Variants in ZNF649 observed in about 807,000 individuals in gnomAD.
ZNF649 encodes the protein zinc finger protein 649.
In ZNF649, 7 loss-of-function variants were observed where a neutral mutation model predicts 14.1. The observed-to-expected ratio is 0.49, with a 90% CI of 0.28 to 0.93. ZNF649 has a LOEUF of 0.93. Among genes scored for constraint, ZNF649 ranks in the 40% least tolerant of loss-of-function variants. ZNF649 has a pLI of 0.10. For missense variants in ZNF649, 544 were observed against 608.1 expected, an observed-to-expected ratio of 0.89 and a Z score of 1.11; for synonymous variants, 227 against 212.3, an observed-to-expected ratio of 1.07 and a Z score of -0.60.
Position 51,891,933 on chromosome 19 carries a change from C to T in ZNF649, c.239-36G>A. 6.6e-7 allele frequency: 1 copy of T among 1,524,144 alleles called. No homozygotes were observed. The highest frequency in any genetic ancestry group is 8.8e-7 in the Non-Finnish European group (1 of 1,142,800). 94.4% of individuals were successfully genotyped at this position (1,524,144 alleles called of 1,614,324 possible). On this transcript the variant is annotated intron_variant, in intron 4 of 4. Coordinates refer to ENST00000354957, the MANE Select transcript of ZNF649 (RefSeq NM_023074.4). The surrounding 1 kb of genome is among the most constrained non-coding windows in gnomAD (Gnocchi z 4.2). ...GAACAATAAATCCTTCCATGATCAT[C>T]ACACGGAATAAAACTGCTTCAAAGA...
Position 51,891,588 on chromosome 19 carries a change from C to A in ZNF649, c.548G>T (p.Cys183Phe). ...AGACTTCTTGAGGAAAGCTTTCCCA[C>A]AGTCAGTGCATTCATGGGCTTTCTC... ...NIEKAHECTD[C>F]GKAFLKKSQL... The change falls in exon 5 of 5, where the codon TGT becomes TTT. Residue 183 changes from cysteine (C) to phenylalanine (F), a missense_variant. Coordinates refer to ENST00000354957, the MANE Select transcript of ZNF649 (RefSeq NM_023074.4). This position sits in a 1 kb window ranked among gnomAD's most constrained non-coding sequence, Gnocchi z 4.2. 6.2e-7 allele frequency: 1 copy of A among 1,614,246 alleles called. No homozygotes were observed. The highest frequency in any genetic ancestry group is 1.1e-5 in the South Asian group (1 of 91,086).
At chr19:51,899,880 G>A (rs187341039) in intron 2 of ZNF649, 27 of 401,162 alleles carry the variant, frequency 6.7e-5, no homozygotes, top group South Asian at 4.0e-4. Flanking sequence ...TGGCAGAGTC[G>A]CACATTATAT....
rs1410874743 is a variant in ZNF649 at position 51,890,385 on chromosome 19, A to G, written c.*233T>C. ...AGAGATATCATTCTGAGGAACACCA[A>G]GTGGAAGCCTCTAAAACTGCCCCCC... On this transcript the variant is annotated 3_prime_UTR_variant, in exon 5 of 5. Transcript: ENST00000354957. The G allele has an allele frequency of 2.2e-6, 1 of 464,768 alleles. No homozygotes were observed. The highest frequency in any genetic ancestry group is 3.9e-5 in the Admixed American group (1 of 25,594). 28.8% of individuals were successfully genotyped at this position (464,768 alleles called of 1,614,324 possible). A position where few individuals can be genotyped will look rare whatever the true frequency, so the allele number is the denominator to read the frequency against.
intron 1 of ZNF649, among the ~76,000 whole-genome samples, chr19:51,903,117 T>G (rs977407174): frequency 6.6e-6 from 1 of 152,056 alleles, no homozygotes; most frequent in African/African-American, 2.4e-5. Context: ...GCAAGGGGCG[T>G]GGGACTTCCA....
At chr19:51,898,803 CTCAGGAGGCTGAG>C (rs2085079066) in intron 2 of ZNF649, among the ~76,000 whole-genome samples, 1 of 151,814 alleles carries the variant, frequency 6.6e-6, no homozygotes, top group Non-Finnish European at 1.5e-5. Context: ...GTTCCAGCTA[CTCAGGAGGCTGAG>C]GCAGGAGAAT....
chr19:51,896,522 C>T lies in ZNF649; in HGVS notation c.188G>A (p.Gly63Glu). Residue 63 changes from glycine to glutamate, a missense_variant, in exon 4 of 5, where the codon GGA becomes GAA. Coordinates refer to ENST00000354957, the MANE Select transcript of ZNF649 (RefSeq NM_023074.4). ...KPDALTKLEQGEPLWTLEDEI... is the reference protein window; with the variant it reads ...KPDALTKLEQEEPLWTLEDEI... ...ATCTTCTAGTGTCCATAGTGGTTCT[C>T]CTTGTTCCAACTTGGTGAGGGCATC... 6.2e-7 allele frequency: 1 copy of T among 1,614,132 alleles called. No individual in the cohort carries two copies. Among genetic ancestry groups the T allele is most frequent in the Non-Finnish European group, 8.5e-7 (1 of 1,180,034 alleles).
intron 1 of ZNF649, chr19:51,904,133 C>G (rs904074565): frequency 5.9e-5 from 9 of 152,204 alleles, no homozygotes; most frequent in Non-Finnish European, 1.2e-4. Flanking sequence ...GTCACTTTAC[C>G]TTTTTTGTCT....
At chr19:51,901,905 G>A (rs137885700) in intron 1 of ZNF649, among the ~76,000 whole-genome samples, 169 of 148,132 alleles carry the variant, frequency 1.1e-3, no homozygotes, top group African/African-American at 4.2e-3. Flanking sequence ...GAGTTAGGAT[G>A]GTGCCACTGC....
At chr19:51,894,814 C>T (rs1279660747) in intron 4 of ZNF649, among the ~76,000 whole-genome samples, 1 of 152,000 alleles carries the variant, frequency 6.6e-6, no homozygotes, top group African/African-American at 2.4e-5. Flanking sequence ...GGCTACAGTT[C>T]ATCAACTCAT....
chr19:51,897,138 G>T, intron 2 of ZNF649, 160 bp from the exon 3 acceptor site: 1 of 955,732 alleles, frequency 1.0e-6, no homozygotes, highest in Non-Finnish European at 1.6e-6. Context: ...TACCGAAATT[G>T]TGCATACTCA....
intron 2 of ZNF649, 168 bp downstream of exon 2, chr19:51,899,925 A>G: frequency 2.1e-6 from 1 of 486,002 alleles, no homozygotes. Flanking sequence ...ATGTGAACAA[A>G]GTATTTGTGA....
At chr19:51,896,258 A>G in intron 4 of ZNF649, 1 of 394,446 alleles carries the variant, frequency 2.5e-6, no homozygotes, top group Non-Finnish European at 4.6e-6. Context: ...ACATCTAAGA[A>G]GAAATGAATA....
chr19:51,893,907 T>C (rs2867319), intron 4 of ZNF649, among the ~76,000 whole-genome samples: 30,186 of 152,100 alleles, frequency 0.2, 3,509 homozygotes, highest in South Asian at 0.38. Context: ...ATGATTGCTA[T>C]AGTACTGCCA....
At chr19:51,898,115 A>AAAC (rs59499538) in intron 2 of ZNF649, among the ~76,000 whole-genome samples, 1 of 151,354 alleles carries the variant, frequency 6.6e-6, no homozygotes, top group Non-Finnish European at 1.5e-5. Flanking sequence ...AAAAAAAAAA[A>AAAC]CTATGAATCT....
intron 4 of ZNF649, 82 bp downstream of exon 4, chr19:51,896,390 T>C (rs2122765189): frequency 7.8e-7 from 1 of 1,276,500 alleles, no homozygotes; most frequent in East Asian, 2.3e-5. Context: ...CCCTAGACAC[T>C]TTCACAACTG....
intron 2 of ZNF649, among the ~76,000 whole-genome samples, chr19:51,897,871 C>A (rs2085072621): frequency 6.6e-6 from 1 of 152,092 alleles, no homozygotes; most frequent in Admixed American, 6.5e-5. Context: ...CCTGTAAACC[C>A]AGCACTTTGG....
In ZNF649 at chr19:51,890,507, C is replaced by CTTTTTT; in HGVS notation, c.*110_*111insAAAAAA. On this transcript the variant is annotated 3_prime_UTR_variant, in exon 5 of 5. Coordinates refer to ENST00000354957, the MANE Select transcript of ZNF649 (RefSeq NM_023074.4). ...AGATATAAAAAAGTAAAATATATTT[C>CTTTTTT]ATATCTTGTAAACCCTACTATACAT... 1 of 667,972 alleles carries CTTTTTT rather than the reference C, an allele frequency of 1.5e-6. No individual in the cohort carries two copies. Among genetic ancestry groups the CTTTTTT allele is most frequent in the Non-Finnish European group, 2.5e-6 (1 of 397,734 alleles). 41.4% of individuals were successfully genotyped at this position (667,972 alleles called of 1,614,324 possible). A position where few individuals can be genotyped will look rare whatever the true frequency, so the allele number is the denominator to read the frequency against.
At chr19:51,904,611 A>G (rs1455879661) in intron 1 of ZNF649, among the ~76,000 whole-genome samples, 2 of 149,838 alleles carry the variant, frequency 1.3e-5, no homozygotes, top group Non-Finnish European at 3.0e-5. Flanking sequence ...CAGCATTTGG[A>G]GTGATAATAA....
rs1403085929 is a variant in ZNF649 at position 51,891,356 on chromosome 19, T to C, written c.780A>G (p.Lys260=). The C allele has an allele frequency of 1.2e-6, 2 of 1,614,100 alleles. No homozygotes were observed. The highest frequency in any genetic ancestry group is 2.2e-5 in the East Asian group (1 of 44,894). The change falls in exon 5 of 5, where the codon AAA becomes AAG. Residue 260 remains lysine (K), a synonymous_variant. Coordinates refer to ENST00000354957, the MANE Select transcript of ZNF649 (RefSeq NM_023074.4). This position sits in a 1 kb window ranked among gnomAD's most constrained non-coding sequence, Gnocchi z 4.2. ...TCCCACATTCACTGCACCCGTATGGTTTCTCTCCTTTGTGAGCTCTCTCGT... is the reference window on the plus strand; with the variant it reads ...TCCCACATTCACTGCACCCGTATGGCTTCTCTCCTTTGTGAGCTCTCTCGT... ...TEHERAHKGE[K]PYGCSECGKA... is the part of the protein sequence containing the mutation.
Sources: allele counts gnomAD v4.1 joint callset (sites outside exome capture counted in the v4.1 genomes callset), GRCh38; gene constraint gnomAD v4.1.1; non-coding constraint Gnocchi (gnomAD v3.1); transcripts MANE v1.5; gene names NCBI Gene and HGNC (gene_info 2026-07-23, HGNC 2026-07-21).